The following FMN1 variants were observed in gnomAD, a reference collection of about 807,000 sequenced individuals.
FMN1 encodes formin-1.
FMN1 carries 110 observed loss-of-function variants against 132.4 expected under a neutral mutation model. That is an observed-to-expected ratio of 0.83 (90% CI 0.71 to 0.97). The LOEUF (loss-of-function observed/expected upper bound fraction) is 0.97. Ranked by LOEUF, FMN1 falls within the 50% of genes least tolerant of loss-of-function variation. The pLI, the probability that FMN1 is intolerant of heterozygous loss-of-function variation, is 0.00. For missense variants in FMN1, 1,792 were observed against 1,705.3 expected (o/e 1.05, Z -0.90); for synonymous variants, 722 against 651.7 (o/e 1.11, Z -1.64).
chr15:32,968,859 G>T lies in FMN1; in HGVS notation c.2842C>A (p.Pro948Thr). ...GGAGGTGGGGGTGCAAGTCCTGGGG[G>T]TGGTGGAGCAGGAGGAGGCCCTCCA... ...NPGGPPPAPP[P>T]PGLAPPPPPG... Residue 948 changes from proline to threonine, a missense_variant, in exon 8 of 21, where the codon CCC becomes ACC. Pro to Thr is a conservative substitution (Grantham distance 38). Transcript: ENST00000616417. The T allele has an allele frequency of 2.7e-6, 4 of 1,483,512 alleles. No individual in the cohort carries two copies. The highest frequency in any genetic ancestry group is 2.3e-5 in the South Asian group (2 of 85,462). The allele number at this position is 1,483,512 out of a possible 1,614,324, so 91.9% of individuals were successfully genotyped here.
At chr15:32,883,501 A>T (rs1227589681) in intron 16 of FMN1, among the ~76,000 whole-genome samples, 1 of 128,082 alleles carries the variant, frequency 7.8e-6, no homozygotes, top group Non-Finnish European at 1.6e-5. Context: ...TAGAGCAAGA[A>T]CCTATCTCAA....
chr15:33,012,400 C>CA (rs1257188168), intron 6 of FMN1: 2 of 922,230 alleles, frequency 2.2e-6, no homozygotes, highest in African/African-American at 3.2e-5. Flanking sequence ...AGAAGATTCT[C>CA]AAAGACCAGG....
At chr15:33,111,190 A>G (rs1474410223) in intron 4 of FMN1, among the ~76,000 whole-genome samples, 1 of 152,164 alleles carries the variant, frequency 6.6e-6, no homozygotes, top group Non-Finnish European at 1.5e-5. Context: ...TAAAATGTAC[A>G]TTGTAAAATG....
chr15:32,848,763 T>G (rs976883297), intron 17 of FMN1, among the ~76,000 whole-genome samples: 3 of 152,162 alleles, frequency 2.0e-5, no homozygotes, highest in Non-Finnish European at 4.4e-5. Flanking sequence ...TACTCACTGG[T>G]TAAAACACCC....
At chr15:32,863,800 C>T (rs185637995) in intron 16 of FMN1, among the ~76,000 whole-genome samples, 68 of 152,294 alleles carry the variant, frequency 4.5e-4, no homozygotes, top group African/African-American at 1.6e-3. Flanking sequence ...TAGCTTCCTG[C>T]CCCCAAACAC....
chr15:32,792,857 C>T (rs1258754), intron 19 of FMN1, among the ~76,000 whole-genome samples: 148,529 of 152,264 alleles, frequency 0.98, 72,567 homozygotes, highest in East Asian at 1. Context: ...ACCTTAAGGA[C>T]GGCAACCACA....
chr15:32,953,167 G>A (rs1163923307), intron 9 of FMN1, among the ~76,000 whole-genome samples: 4 of 152,118 alleles, frequency 2.6e-5, no homozygotes, highest in African/African-American at 7.2e-5. Context: ...CTCCAATCCC[G>A]TTTGTACCCC....
intron 4 of FMN1, among the ~76,000 whole-genome samples, chr15:33,090,873 T>C (rs989008359): frequency 1.1e-4 from 17 of 152,156 alleles, no homozygotes; most frequent in African/African-American, 3.4e-4. Flanking sequence ...ATGAAGAAAT[T>C]AAAGCTCAGA....
intron 7 of FMN1, among the ~76,000 whole-genome samples, chr15:32,975,196 G>A (rs1233616555): frequency 6.6e-6 from 1 of 151,964 alleles, no homozygotes; most frequent in Non-Finnish European, 1.5e-5. Context: ...ATTCCTTTTT[G>A]TTTCCAAAGA....
chr15:32,898,739 G>T, intron 15 of FMN1, 95 bp downstream of exon 15: 1 of 783,624 alleles, frequency 1.3e-6, no homozygotes, highest in Non-Finnish European at 2.2e-6. Context: ...TCTATGTTGG[G>T]CTTGCAGTTC....
intron 6 of FMN1, among the ~76,000 whole-genome samples, chr15:33,052,336 A>C (rs1674962047): frequency 6.6e-6 from 1 of 152,228 alleles, no homozygotes; most frequent in Non-Finnish European, 1.5e-5. Context: ...CAGAAAAAAC[A>C]TGGAAAACAT....
chr15:33,124,664 A>G (rs935086317), intron 4 of FMN1, among the ~76,000 whole-genome samples: 3 of 152,176 alleles, frequency 2.0e-5, no homozygotes, highest in Non-Finnish European at 4.4e-5. Flanking sequence ...TTCAATAAAA[A>G]TATCTGAGAT....
chr15:32,867,576 G>T (rs1012541917), intron 16 of FMN1, among the ~76,000 whole-genome samples: 2 of 150,752 alleles, frequency 1.3e-5, no homozygotes, highest in African/African-American at 4.9e-5. Context: ...TGATCTCCTC[G>T]GCTCACTGCA....
At chr15:33,125,032 C>A (rs1343807609) in intron 4 of FMN1, among the ~76,000 whole-genome samples, 2 of 150,598 alleles carry the variant, frequency 1.3e-5, no homozygotes, top group Non-Finnish European at 2.9e-5. Context: ...CATGTCTACT[C>A]TATCATGGAA....
intron 18 of FMN1, among the ~76,000 whole-genome samples, chr15:32,802,953 A>G (rs914558500): frequency 6.6e-6 from 1 of 152,164 alleles, no homozygotes; most frequent in Non-Finnish European, 1.5e-5. Context: ...ATTTGAGAAT[A>G]TGTCTGTACT....
At chr15:32,874,945 T>C (rs949229214) in intron 16 of FMN1, among the ~76,000 whole-genome samples, 1 of 152,350 alleles carries the variant, frequency 6.6e-6, no homozygotes, top group African/African-American at 2.4e-5. Flanking sequence ...GTTAGTACAT[T>C]AGCCATTATA....
At chr15:32,927,691 T>TAC (rs1391126545) in intron 9 of FMN1, among the ~76,000 whole-genome samples, 10 of 152,204 alleles carry the variant, frequency 6.6e-5, no homozygotes, top group African/African-American at 2.4e-4. Flanking sequence ...TCTCTACAAC[T>TAC]AGTAAACCAA....
chr15:33,160,418 T>A (rs147230621), intron 3 of FMN1, among the ~76,000 whole-genome samples: 1 of 152,270 alleles, frequency 6.6e-6, no homozygotes, highest in East Asian at 1.9e-4. Context: ...CTCTAGAGTG[T>A]TCCATGTCAG....
chr15:32,924,803 AC>A (rs1033811278), intron 10 of FMN1, among the ~76,000 whole-genome samples: 10 of 152,346 alleles, frequency 6.6e-5, no homozygotes, highest in African/African-American at 2.4e-4. Flanking sequence ...AATCCCAGGT[AC>A]TTGGGAGGCT....
Sources: gnomAD v4.1 joint callset for allele counts (sites outside exome capture counted in the v4.1 genomes callset) on GRCh38, gnomAD v4.1.1 for gene constraint, MANE v1.5 for transcripts, NCBI Gene and HGNC (gene_info 2026-07-23, HGNC 2026-07-21) for gene names.